The following ACTR2 variants were observed in gnomAD, a reference collection of about 807,000 sequenced individuals.
ACTR2 encodes the protein actin related protein 2.
ACTR2 carries 5 observed loss-of-function variants against 50.2 expected under a neutral mutation model. The observed-to-expected ratio is 0.10, with a 90% CI of 0.05 to 0.21. The LOEUF (loss-of-function observed/expected upper bound fraction) is 0.21, where lower values mean the gene tolerates loss of function less well. ACTR2 is among the 10% of genes least tolerant of loss of function. ACTR2 has a pLI of 1.00. For missense variants in ACTR2, 180 were observed against 480.6 expected, an observed-to-expected ratio of 0.37 and a Z score of 5.85; for synonymous variants, 140 against 162.9, an observed-to-expected ratio of 0.86 and a Z score of 1.07.
rs200556229 is a variant in ACTR2 at position 65,253,738 on chromosome 2, T to C, written c.459T>C (p.Thr153=). ...CTGGCTTTTATGCAGGTTTATTGAC[T>C]GGTGTAGTGGTAGACTCTGGAGATG... The part of the protein sequence containing the change: ...VLTLYAQGLL[T]GVVVDSGDGV... Residue 153 remains threonine, a synonymous_variant, in exon 5 of 9, where the codon ACT becomes ACC. Transcript: ENST00000260641. The C allele has an allele frequency of 2.7e-4, 436 of 1,612,608 alleles. No individual in the cohort carries two copies. Among genetic ancestry groups the C allele is most frequent in the Middle Eastern group, 1.8e-3 (11 of 6,032 alleles).
chr2:65,256,939 T>A (rs268869), intron 6 of ACTR2, among the ~76,000 whole-genome samples: 151,290 of 151,312 alleles, frequency 1, 75,634 homozygotes, highest in Middle Eastern at 1. Flanking sequence ...CCATTTAAAA[T>A]TTTTTTAAAT....
At chr2:65,242,024 C>T (rs1671847773) in intron 2 of ACTR2, 3 of 1,608,608 alleles carry the variant, frequency 1.9e-6, no homozygotes, top group African/African-American at 1.3e-5. Context: ...TCTCTCTCTT[C>T]ACCTTTCTTG....
At chr2:65,254,814 ATCC>A (rs972858075) in intron 5 of ACTR2, among the ~76,000 whole-genome samples, 2 of 152,198 alleles carry the variant, frequency 1.3e-5, no homozygotes, top group Admixed American at 6.5e-5. Context: ...ATTTAAAGTA[ATCC>A]TCCTCATGAG....
chr2:65,229,158 G>T (rs1196074791), intron 1 of ACTR2, among the ~76,000 whole-genome samples: 1 of 150,394 alleles, frequency 6.6e-6, no homozygotes, highest in East Asian at 1.9e-4. Flanking sequence ...GGGTAGCAAA[G>T]TCAGCAAATT....
chr2:65,257,317 T>A (rs1182789486), intron 6 of ACTR2, among the ~76,000 whole-genome samples: 1 of 152,320 alleles, frequency 6.6e-6, no homozygotes, highest in East Asian at 1.9e-4. Flanking sequence ...CCATGGTGTA[T>A]ATGTGCCACA....
intron 3 of ACTR2, among the ~76,000 whole-genome samples, chr2:65,247,269 ATAAAG>A (rs1671954991): frequency 6.6e-6 from 1 of 152,102 alleles, no homozygotes; most frequent in South Asian, 2.1e-4. Flanking sequence ...ATTCTTAACA[ATAAAG>A]TAAGCTAGAG....
chr2:65,235,119 A>C (rs1671715038), intron 1 of ACTR2, among the ~76,000 whole-genome samples: 1 of 152,016 alleles, frequency 6.6e-6, no homozygotes, highest in African/African-American at 2.4e-5. Flanking sequence ...AGTAAACTGG[A>C]TTTTGACTTA....
intron 1 of ACTR2, among the ~76,000 whole-genome samples, chr2:65,236,199 C>G (rs994027247): frequency 1.3e-5 from 2 of 151,826 alleles, no homozygotes; most frequent in African/African-American, 4.8e-5. Context: ...ATTAGCTGGG[C>G]GTGGTGGCAG....
chr2:65,253,741 T>A lies in ACTR2; in HGVS notation c.462T>A (p.Gly154=). Residue 154 remains glycine (G), a synonymous_variant, in exon 5 of 9, where the codon GGT becomes GGA. Transcript: ENST00000260641. ...LTLYAQGLLT[G]VVVDSGDGVT... ...GCTTTTATGCAGGTTTATTGACTGGTGTAGTGGTAGACTCTGGAGATGGTG... is the reference window on the plus strand; with the variant it reads ...GCTTTTATGCAGGTTTATTGACTGGAGTAGTGGTAGACTCTGGAGATGGTG... 2 of 1,613,870 alleles carry A rather than the reference T, an allele frequency of 1.2e-6. No homozygotes were observed. The highest frequency in any genetic ancestry group is 1.7e-6 in the Non-Finnish European group (2 of 1,179,874).
intron 2 of ACTR2, among the ~76,000 whole-genome samples, chr2:65,240,192 A>G (rs997223789): frequency 6.6e-6 from 1 of 152,232 alleles, no homozygotes; most frequent in Non-Finnish European, 1.5e-5. Flanking sequence ...TACTCTTTGG[A>G]GTAAAATACT....
chr2:65,250,087 G>A (rs1253168781), intron 3 of ACTR2, among the ~76,000 whole-genome samples: 5 of 152,120 alleles, frequency 3.3e-5, no homozygotes, highest in Non-Finnish European at 1.5e-5. Context: ...TTTCCCGGCC[G>A]GGTGCGGTGG....
intron 1 of ACTR2, among the ~76,000 whole-genome samples, chr2:65,230,476 A>T (rs1671614574): frequency 7.6e-6 from 1 of 131,154 alleles, no homozygotes; most frequent in Admixed American, 9.4e-5. Flanking sequence ...CGATGGCGTG[A>T]TCTCGGCTCT....
chr2:65,242,673 AT>A (rs1282021024), intron 2 of ACTR2: 2 of 509,442 alleles, frequency 3.9e-6, no homozygotes, highest in Admixed American at 2.0e-5. Context: ...TAAACAACAG[AT>A]TTCCCCCCCA....
At chr2:65,241,983 T>C (rs1558622131) in intron 2 of ACTR2, 1 of 1,593,416 alleles carries the variant, frequency 6.3e-7, no homozygotes, top group Non-Finnish European at 8.6e-7. Flanking sequence ...GAGGATTTTA[T>C]TTAGGCCTTT....
chr2:65,264,917 G>T (rs1672343774), intron 7 of ACTR2, 126 bp from the exon 8 acceptor site: 1 of 1,060,552 alleles, frequency 9.4e-7, no homozygotes, highest in Non-Finnish European at 1.4e-6. Flanking sequence ...ATTCAGCCCT[G>T]TGATTTACAT....
At chr2:65,235,414 G>C (rs1221775282) in intron 1 of ACTR2, among the ~76,000 whole-genome samples, 5 of 152,182 alleles carry the variant, frequency 3.3e-5, no homozygotes, top group Non-Finnish European at 7.4e-5. Context: ...CTGTGAGCAA[G>C]TGGGTTATCT....
chr2:65,266,124 G>A (rs1486192700), intron 8 of ACTR2, among the ~76,000 whole-genome samples: 3 of 152,216 alleles, frequency 2.0e-5, no homozygotes, highest in Non-Finnish European at 2.9e-5. Flanking sequence ...GCCAGACATA[G>A]GTCTAGGTGC....
chr2:65,262,451 G>C (rs1672286551), intron 7 of ACTR2, among the ~76,000 whole-genome samples: 1 of 149,954 alleles, frequency 6.7e-6, no homozygotes, highest in Non-Finnish European at 1.5e-5. Flanking sequence ...GTATTGACCA[G>C]GCTGGTCTCG....
intron 1 of ACTR2, chr2:65,228,408 G>A: frequency 6.7e-6 from 1 of 150,258 alleles, no homozygotes; most frequent in African/African-American, 2.6e-5. Flanking sequence ...CAAACGAGAA[G>A]CAGGAAGCGG....
Sources: allele counts gnomAD v4.1 joint callset (sites outside exome capture counted in the v4.1 genomes callset), GRCh38; gene constraint gnomAD v4.1.1; transcripts MANE v1.5; gene names NCBI Gene and HGNC (gene_info 2026-07-23, HGNC 2026-07-21).